PIAS4: variants seen among roughly 807,000 people sequenced by gnomAD.
The protein encoded by PIAS4 is E3 SUMO-protein ligase PIAS4.
Under a neutral mutation model 58.0 loss-of-function variants are expected in PIAS4, and 7 were observed. The ratio of observed to expected loss-of-function variants is 0.12; its 90% confidence interval spans 0.07 to 0.23. The LOEUF is 0.23. Ranked by LOEUF, PIAS4 falls within the 10% of genes least tolerant of loss-of-function variation. PIAS4 has a pLI of 1.00. For missense variants in PIAS4, 550 were observed against 709.5 expected (o/e 0.78, Z 2.55); for synonymous variants, 364 against 312.4 (o/e 1.17, Z -1.74).
At chr19:4,017,216 A>G (rs2144913014) in intron 2 of PIAS4, among the ~76,000 whole-genome samples, 1 of 152,136 alleles carries the variant, frequency 6.6e-6, no homozygotes, top group Non-Finnish European at 1.5e-5. Context: ...GTTGAAGAGG[A>G]GGGATGGGCC....
chr19:4,007,923 C>T, intron 1 of PIAS4, 136 bp downstream of exon 1: 1 of 545,066 alleles, frequency 1.8e-6, no homozygotes, highest in Non-Finnish European at 2.7e-6. Flanking sequence ...GGCCCCCAGA[C>T]CCCGACCCCC....
rs1397822945 is a variant in PIAS4, at chr19:4,037,448, C to T, written c.1217C>T (p.Pro406Leu). 20 of 1,611,616 alleles carry T rather than the reference C, an allele frequency of 1.2e-5. No homozygotes were observed. The highest frequency in any genetic ancestry group is 1.7e-5 in the Non-Finnish European group (20 of 1,179,494). The change falls in exon 10 of 11, where the codon CCG becomes CTG. Residue 406 changes from proline to leucine, a missense_variant. By Grantham distance (98) the Pro-to-Leu change is moderately conservative (BLOSUM62 -3). Transcript: ENST00000262971. This position sits in a 1 kb window ranked among gnomAD's most constrained non-coding sequence, Gnocchi z 5.8. ...TACCTGGTGGACGGCTCGTGGTGCC[C>T]GATCCGCGCCGAAAAGGAGCGCAGC... ...IEYLVDGSWC[P>L]IRAEKERSCS...
Position 4,039,216 on chromosome 19 carries a change from G to A in PIAS4, c.*1341G>A, listed in dbSNP as rs2040335316. ...AATATCATTTCAGGTCTAAAGAAAG[G>A]GACGTGCATCTGGCCGAGGGCAGTT... On this transcript the variant is annotated 3_prime_UTR_variant, in exon 11 of 11. Transcript: ENST00000262971. 1 of 151,368 alleles carries A rather than the reference G, an allele frequency of 6.6e-6. No individual in the cohort carries two copies. The highest frequency in any genetic ancestry group is 1.5e-5 in the Non-Finnish European group (1 of 68,030). The allele number at this position is 151,368 out of a possible 1,614,324, so 9.4% of individuals were successfully genotyped here. A position where few individuals can be genotyped will look rare whatever the true frequency, so the allele number is the denominator to read the frequency against.
chr19:4,017,314 G>A (rs1050989467), intron 2 of PIAS4, among the ~76,000 whole-genome samples: 3 of 152,120 alleles, frequency 2.0e-5, no homozygotes, highest in African/African-American at 7.2e-5. Context: ...GCCCTGCCCA[G>A]CCCAGCTCCC....
intron 2 of PIAS4, among the ~76,000 whole-genome samples, chr19:4,019,194 C>T (rs982069230): frequency 6.6e-6 from 1 of 152,156 alleles, no homozygotes; most frequent in African/African-American, 2.4e-5. Flanking sequence ...ACCCCGAGGG[C>T]AGAAGGGCAG....
chr19:4,015,846 C>CCG (rs1054512692), intron 2 of PIAS4, among the ~76,000 whole-genome samples: 1 of 152,234 alleles, frequency 6.6e-6, no homozygotes, highest in Non-Finnish European at 1.5e-5. Context: ...AGGATGGAGA[C>CCG]CGCGCCAGGC....
At chr19:4,032,610 C>T (rs1273954745) in intron 7 of PIAS4, among the ~76,000 whole-genome samples, 1 of 152,262 alleles carries the variant, frequency 6.6e-6, no homozygotes, top group Non-Finnish European at 1.5e-5. Context: ...AGCTACACTC[C>T]TGTCTGCAGG....
At chr19:4,027,576 T>TG (rs922264270) in intron 3 of PIAS4, among the ~76,000 whole-genome samples, 4 of 150,940 alleles carry the variant, frequency 2.7e-5, no homozygotes, top group Non-Finnish European at 4.4e-5. Context: ...TTGTTTTTTT[T>TG]TTTTTGGAGA....
At chr19:4,031,115 C>T (rs1223549056) in intron 7 of PIAS4, among the ~76,000 whole-genome samples, 1 of 152,156 alleles carries the variant, frequency 6.6e-6, no homozygotes, top group Admixed American at 6.5e-5. Flanking sequence ...CCCCTGTGCC[C>T]AGGCCAGAGA....
chr19:4,007,862 C>T lies in PIAS4; in HGVS notation c.27+75C>T, dbSNP rs563923132. The T allele has an allele frequency of 3.7e-3, 4,151 of 1,120,938 alleles. 127 individuals are homozygous for T. In the African/African-American group the frequency reaches 0.062, roughly 17 times the overall value. The allele number at this position is 1,120,938 out of a possible 1,614,324, so 69.4% of individuals were successfully genotyped here. A position where few individuals can be genotyped will look rare whatever the true frequency, so the allele number is the denominator to read the frequency against. ...GGGCCGGGCCGCAGGTCGAGGTCTG[C>T]GCCTTCTGTCCGGGGCCCCACAGCG... is the stretch of plus-strand genomic sequence containing the variant. On this transcript the variant is annotated intron_variant, in intron 1 of 10. Coordinates refer to ENST00000262971, the MANE Select transcript of PIAS4 (RefSeq NM_015897.4).
rs1318052310 is a variant in PIAS4, at chr19:4,013,012, C to T, written c.117C>T (p.Val39=). The T allele has an allele frequency of 1.9e-6, 3 of 1,613,650 alleles. No individual in the cohort carries two copies. Among genetic ancestry groups the T allele is most frequent in the Non-Finnish European group, 2.5e-6 (3 of 1,179,966 alleles). ...AGAGTGGACTGAAGCACGAGCTCGT[C>T]ACCAGGGCCCTCCAGCTGGTGCAGT... ...RSKSGLKHEL[V]TRALQLVQFD... The change falls in exon 2 of 11, where the codon GTC becomes GTT. Residue 39 remains valine (V), a synonymous_variant. Transcript: ENST00000262971. This position sits in a 1 kb window ranked among gnomAD's most constrained non-coding sequence, Gnocchi z 5.1.
chr19:4,014,516 G>T (rs1305901725), intron 2 of PIAS4, among the ~76,000 whole-genome samples: 1 of 152,236 alleles, frequency 6.6e-6, no homozygotes, highest in Non-Finnish European at 1.5e-5. Context: ...AGTCCTCTGT[G>T]TGCCTGGAGG....
In PIAS4 at chr19:4,037,755, C is replaced by T. The variant is rs1335569771; in HGVS notation, c.1413C>T (p.Asp471=). The T allele has an allele frequency of 1.2e-6, 2 of 1,609,624 alleles. No individual in the cohort carries two copies. Among genetic ancestry groups the T allele is most frequent in the Non-Finnish European group, 8.5e-7 (1 of 1,178,638 alleles). The change falls in exon 11 of 11, where the codon GAC becomes GAT. Residue 471 remains aspartate, a synonymous_variant. Transcript: ENST00000262971. This position sits in a 1 kb window ranked among gnomAD's most constrained non-coding sequence, Gnocchi z 5.8. ...CCGATGTGGTGGACCTCACGCTGGACAGCTCATCGTCCTCGGAGGATGAGG... is the reference window on the plus strand; with the variant it reads ...CCGATGTGGTGGACCTCACGCTGGATAGCTCATCGTCCTCGGAGGATGAGG... ...PGADVVDLTL[D]SSSSSEDEEE...
In PIAS4 at chr19:4,037,513, C is replaced by T; in HGVS notation, c.1273+9C>T. 1.2e-6 allele frequency: 2 copies of T among 1,609,650 alleles called. No individual in the cohort carries two copies. The highest frequency in any genetic ancestry group is 1.7e-6 in the Non-Finnish European group (2 of 1,179,540). ...CGCCATCCTCGTGCTGGGTGAGTGC[C>T]TCACCCCACCAGCCGCGCAGTCCGC... On this transcript the variant is annotated intron_variant, in intron 10 of 10. Coordinates refer to ENST00000262971, the MANE Select transcript of PIAS4 (RefSeq NM_015897.4). The surrounding 1 kb of genome is among the most constrained non-coding windows in gnomAD (Gnocchi z 5.8).
chr19:4,025,597 A>C (rs907662235), intron 3 of PIAS4, among the ~76,000 whole-genome samples: 3 of 152,106 alleles, frequency 2.0e-5, no homozygotes, highest in South Asian at 2.1e-4. Context: ...CCTCACACCT[A>C]GTAAGGGTTC....
At chr19:4,030,297 T>C (rs891876330) in intron 7 of PIAS4, among the ~76,000 whole-genome samples, 2 of 144,804 alleles carry the variant, frequency 1.4e-5, no homozygotes, top group African/African-American at 4.9e-5. Context: ...AAACAATTTT[T>C]TTTAAGTGAC....
At chr19:4,032,649 G>A (rs549620013) in intron 7 of PIAS4, among the ~76,000 whole-genome samples, 6 of 152,222 alleles carry the variant, frequency 3.9e-5, no homozygotes, top group African/African-American at 1.4e-4. Context: ...GGGGCTGGGC[G>A]GCAGCCGCTT....
At chr19:4,025,349 TC>T (rs2040152144) in intron 3 of PIAS4, among the ~76,000 whole-genome samples, 1 of 152,212 alleles carries the variant, frequency 6.6e-6, no homozygotes, top group Non-Finnish European at 1.5e-5. Context: ...GCTCTGCTCC[TC>T]CCTCAGTCTC....
chr19:4,030,061 A>T (rs2040208493), intron 7 of PIAS4, among the ~76,000 whole-genome samples: 1 of 151,396 alleles, frequency 6.6e-6, no homozygotes, highest in Admixed American at 6.6e-5. Flanking sequence ...TGACCTCGTG[A>T]TCCGCTTGCC....
Sources: allele counts gnomAD v4.1 joint callset (sites outside exome capture counted in the v4.1 genomes callset), GRCh38; gene constraint gnomAD v4.1.1; non-coding constraint Gnocchi (gnomAD v3.1); transcripts MANE v1.5; gene names NCBI Gene and HGNC (gene_info 2026-07-23, HGNC 2026-07-21).